Variants in CADM2 observed in about 807,000 individuals in gnomAD.
CADM2 encodes the protein cell adhesion molecule 2, also known as immunoglobulin superfamily member 4D.
CADM2 carries 12 observed loss-of-function variants against 49.8 expected under a neutral mutation model. The observed-to-expected ratio is 0.24, with a 90% CI of 0.15 to 0.39. The LOEUF is 0.39. Ranked by LOEUF, CADM2 falls within the 10% of genes least tolerant of loss-of-function variation. The pLI is 1.00. For synonymous variants in CADM2, 214 were observed against 175.4 expected (o/e 1.22, Z -1.74); for missense variants, 378 against 492.3 (o/e 0.77, Z 2.20).
At chr3:85,371,121 CTAAGAT>C (rs1471437649) in intron 1 of CADM2, among the ~76,000 whole-genome samples, 1 of 151,890 alleles carries the variant, frequency 6.6e-6, no homozygotes, top group Non-Finnish European at 1.5e-5. Context: ...TTACAATCAG[CTAAGAT>C]TAATTTATTA....
At chr3:85,031,566 G>C (rs1271970648) in intron 1 of CADM2, among the ~76,000 whole-genome samples, 1 of 152,126 alleles carries the variant, frequency 6.6e-6, no homozygotes, top group Non-Finnish European at 1.5e-5. Context: ...CCGGGCTGGA[G>C]TGCAGTGGCG....
chr3:85,453,642 T>C (rs1372436852), intron 1 of CADM2, among the ~76,000 whole-genome samples: 6 of 152,158 alleles, frequency 3.9e-5, no homozygotes, highest in African/African-American at 1.4e-4. Context: ...AAAATTACTG[T>C]ACGTGGATTC....
chr3:85,389,788 C>G (rs937106463), intron 1 of CADM2, among the ~76,000 whole-genome samples: 6 of 152,082 alleles, frequency 3.9e-5, no homozygotes, highest in African/African-American at 9.7e-5. Flanking sequence ...GGATTGCCTT[C>G]TGAATTTCAA....
intron 1 of CADM2, among the ~76,000 whole-genome samples, chr3:85,159,966 C>T (rs1226262799): frequency 6.6e-6 from 1 of 152,044 alleles, no homozygotes; most frequent in Non-Finnish European, 1.5e-5. Context: ...AAATTTTTTG[C>T]AGCAATATAA....
intron 1 of CADM2, among the ~76,000 whole-genome samples, chr3:85,222,329 A>G (rs1403745459): frequency 6.6e-6 from 1 of 152,196 alleles, no homozygotes; most frequent in African/African-American, 2.4e-5. Flanking sequence ...TGGCAGGAGT[A>G]TTAAGACACA....
At chr3:85,334,281 A>G (rs1019650228) in intron 1 of CADM2, among the ~76,000 whole-genome samples, 2 of 151,558 alleles carry the variant, frequency 1.3e-5, no homozygotes, top group East Asian at 3.9e-4. Flanking sequence ...AGCAATAGGT[A>G]TCAACAAAAA....
intron 6 of CADM2, among the ~76,000 whole-genome samples, chr3:85,920,626 A>G (rs1210788707): frequency 6.6e-6 from 1 of 151,752 alleles, no homozygotes; most frequent in Non-Finnish European, 1.5e-5. Flanking sequence ...TTAATGGCAC[A>G]TTTTGCTCAT....
intron 1 of CADM2, among the ~76,000 whole-genome samples, chr3:85,306,358 A>T (rs76673076): frequency 0.021 from 3,201 of 151,834 alleles, 103 homozygotes; most frequent in Admixed American, 0.082. Flanking sequence ...GTAATCAAAA[A>T]ACAAATTATT....
At chr3:85,152,762 C>A (rs1247366632) in intron 1 of CADM2, among the ~76,000 whole-genome samples, 1 of 152,032 alleles carries the variant, frequency 6.6e-6, no homozygotes, top group African/African-American at 2.4e-5. Context: ...TCGAGACCAT[C>A]CTGGCTAACA....
intron 5 of CADM2, among the ~76,000 whole-genome samples, chr3:85,891,195 A>G (rs1714384133): frequency 6.6e-6 from 1 of 152,220 alleles, no homozygotes. Context: ...CATAGCAAGA[A>G]AGTGAATATC....
chr3:85,552,543 G>T (rs914067858), intron 1 of CADM2, among the ~76,000 whole-genome samples: 3 of 151,584 alleles, frequency 2.0e-5, no homozygotes, highest in Admixed American at 6.6e-5. Flanking sequence ...ACCATGCCTG[G>T]CTAATTTTTT....
chr3:85,132,003 T>C (rs1274363010), intron 1 of CADM2, among the ~76,000 whole-genome samples: 1 of 152,176 alleles, frequency 6.6e-6, no homozygotes. Context: ...ACCTATGTCA[T>C]ATGTATAAGA....
intron 1 of CADM2, among the ~76,000 whole-genome samples, chr3:85,368,166 T>A (rs2032938573): frequency 6.6e-6 from 1 of 152,114 alleles, no homozygotes; most frequent in African/African-American, 2.4e-5. Flanking sequence ...AGCCCTTGAA[T>A]ACTTATAACT....
In CADM2 at chr3:86,073,308, C is replaced by A. The variant is rs1045556576; in HGVS notation, c.*6525C>A. On this transcript the variant is annotated 3_prime_UTR_variant, in exon 10 of 10. Coordinates refer to ENST00000383699, the MANE Select transcript of CADM2 (RefSeq NM_001167675.2). ...AACTTTTGGAAGGGTATATTTATGA[C>A]AGCATAAAAAATAAATTCTGTGCTA... is the stretch of plus-strand genomic sequence containing the variant. The A allele has an allele frequency of 6.6e-6, 1 of 151,848 alleles. No homozygotes were observed. The highest frequency in any genetic ancestry group is 2.4e-5 in the African/African-American group (1 of 41,364). The allele number at this position is 151,848 out of a possible 1,614,324, so 9.4% of individuals were successfully genotyped here. A position where few individuals can be genotyped will look rare whatever the true frequency, so the allele number is the denominator to read the frequency against.
chr3:85,715,896 A>G (rs1373250647), intron 1 of CADM2, among the ~76,000 whole-genome samples: 2 of 152,180 alleles, frequency 1.3e-5, no homozygotes, highest in Non-Finnish European at 2.9e-5. Flanking sequence ...TTCTTTATCC[A>G]GTCTAACATT....
At chr3:85,832,418 T>C (rs2074223992) in intron 3 of CADM2, among the ~76,000 whole-genome samples, 1 of 151,992 alleles carries the variant, frequency 6.6e-6, no homozygotes, top group Non-Finnish European at 1.5e-5. Flanking sequence ...GTATGGCAAT[T>C]TTAACAATAT....
chr3:85,905,824 G>T (rs561986634), intron 5 of CADM2, among the ~76,000 whole-genome samples: 1 of 152,034 alleles, frequency 6.6e-6, no homozygotes, highest in Non-Finnish European at 1.5e-5. Flanking sequence ...AAAAATTATT[G>T]TAAAAACTCT....
At chr3:85,999,098 T>G (rs2108733582) in intron 8 of CADM2, among the ~76,000 whole-genome samples, 1 of 152,310 alleles carries the variant, frequency 6.6e-6, no homozygotes, top group African/African-American at 2.4e-5. Context: ...TGAAGATATC[T>G]AATTAACAAG....
At chr3:85,191,963 G>A (rs1559712378) in intron 1 of CADM2, among the ~76,000 whole-genome samples, 1 of 151,876 alleles carries the variant, frequency 6.6e-6, no homozygotes, top group South Asian at 2.1e-4. Context: ...GTGTGTGTGT[G>A]TGTGTGTATT....
Sources: allele counts gnomAD v4.1 joint callset (sites outside exome capture counted in the v4.1 genomes callset), GRCh38; gene constraint gnomAD v4.1.1; transcripts MANE v1.5; gene names NCBI Gene and HGNC (gene_info 2026-07-23, HGNC 2026-07-21).